CHRDL2: variants seen among roughly 807,000 people sequenced by gnomAD.
CHRDL2 encodes chordin like 2.
A neutral mutation model predicts 54.3 loss-of-function variants in CHRDL2; 41 were observed. The ratio of observed to expected loss-of-function variants is 0.76; its 90% CI spans 0.59 to 0.98. CHRDL2 has a LOEUF of 0.98. Among genes scored for constraint, CHRDL2 ranks in the 50% least tolerant of loss-of-function variants. The pLI is 0.00. For missense variants in CHRDL2, 518 were observed against 562.4 expected, an observed-to-expected ratio of 0.92 and a Z score of 0.80; for synonymous variants, 220 against 224.3, an observed-to-expected ratio of 0.98 and a Z score of 0.17.
intron 2 of CHRDL2, among the ~76,000 whole-genome samples, chr11:74,717,948 T>C (rs966838345): frequency 6.6e-6 from 1 of 152,184 alleles, no homozygotes; most frequent in Non-Finnish European, 1.5e-5. Flanking sequence ...CATACCTTAC[T>C]TGTGAATTCT....
intron 2 of CHRDL2, 42 bp downstream of exon 2, chr11:74,718,678 G>T: frequency 7.3e-7 from 1 of 1,367,596 alleles, no homozygotes; most frequent in Non-Finnish European, 1.0e-6. Flanking sequence ...AGGGTTCTCA[G>T]ACATCCCTGA....
In CHRDL2 at chr11:74,730,586, C is replaced by T. The variant is rs111606350; in HGVS notation, c.82+221G>A. On this transcript the variant is annotated intron_variant, in intron 1 of 10. Transcript: ENST00000376332. ...CCTCTCCCCCCGCTGCCCTTGGTGC[C>T]CCTCCTCAGGTCCCTGGCAGCAGCC... 1.4e-3 allele frequency among the ~76,000 whole-genome samples: 212 copies of T among 152,324 alleles called. 1 individual carries two copies. The highest frequency in any genetic ancestry group is 5.0e-3 in the African/African-American group (206 of 41,574).
intron 1 of CHRDL2, among the ~76,000 whole-genome samples, chr11:74,719,940 C>T (rs535521924): frequency 6.6e-6 from 1 of 152,290 alleles, no homozygotes; most frequent in African/African-American, 2.4e-5. Flanking sequence ...CCTATCCTCA[C>T]CAACCCTCCT....
intron 1 of CHRDL2, among the ~76,000 whole-genome samples, chr11:74,722,076 G>T (rs2034508629): frequency 1.3e-5 from 2 of 152,288 alleles, no homozygotes; most frequent in South Asian, 2.1e-4. Flanking sequence ...AAGTGGGTTA[G>T]GATGAAGTTC....
chr11:74,706,061 A>G (rs2033999833), intron 6 of CHRDL2, among the ~76,000 whole-genome samples: 2 of 151,998 alleles, frequency 1.3e-5, no homozygotes, highest in Admixed American at 1.3e-4. Flanking sequence ...AGGGGCCAAG[A>G]TACAGGGGGG....
intron 1 of CHRDL2, among the ~76,000 whole-genome samples, chr11:74,726,984 G>C (rs1327773163): frequency 1.3e-5 from 2 of 152,242 alleles, no homozygotes; most frequent in East Asian, 3.9e-4. Context: ...GGTGTCTGAG[G>C]GTCTGCCTGT....
At position 74,703,380 on chromosome 11, in the gene CHRDL2, GCTGGCAGTC is replaced by G; in HGVS notation, c.862_870del (p.Asp288_Gln290del). The G allele has an allele frequency of 6.2e-7, 1 of 1,613,698 alleles. No homozygotes were observed. ...GGGTACTCGGTGGGACAGGTCACACGCTGGCAGTCCTGGCGGCCATCCTCACAGGTGCAT... is the reference window on the plus strand; with the variant it reads ...GGGTACTCGGTGGGACAGGTCACACGCTGGCGGCCATCCTCACAGGTGCAT... On this transcript the variant is annotated inframe_deletion, in exon 8 of 11. Coordinates refer to ENST00000376332, the MANE Select transcript of CHRDL2 (RefSeq NM_001278473.3).
intron 1 of CHRDL2, among the ~76,000 whole-genome samples, chr11:74,724,077 T>C (rs888022792): frequency 2.2e-4 from 34 of 152,366 alleles, no homozygotes; most frequent in Admixed American, 9.8e-4. Flanking sequence ...CACAGATAGA[T>C]ACAATACATT....
chr11:74,712,347 G>C (rs531610056), intron 3 of CHRDL2, among the ~76,000 whole-genome samples: 1 of 152,282 alleles, frequency 6.6e-6, no homozygotes, highest in East Asian at 1.9e-4. Flanking sequence ...GAGCCAAGCA[G>C]GCACAGGGGC....
intron 9 of CHRDL2, among the ~76,000 whole-genome samples, chr11:74,700,622 T>TATTATTATTA (rs374549879): frequency 7.1e-6 from 1 of 140,340 alleles, no homozygotes; most frequent in Non-Finnish European, 1.5e-5. Context: ...GAATCTTTTT[T>TATTATTATTA]TTATTATTAT....
intron 7 of CHRDL2, among the ~76,000 whole-genome samples, 173 bp from the exon 8 acceptor site, chr11:74,703,672 C>T (rs1250906999): frequency 1.3e-5 from 2 of 152,260 alleles, no homozygotes; most frequent in African/African-American, 4.8e-5. Context: ...CTCTCCCTGA[C>T]ACTGCCCACT....
chr11:74,713,495 G>A lies in CHRDL2; in HGVS notation c.196-16C>T, dbSNP rs753860264. The A allele has an allele frequency of 1.4e-5, 23 of 1,608,338 alleles. No homozygotes were observed. In the South Asian group the frequency reaches 1.5e-4, roughly 11 times the overall value. ...CATGGGCGCCCTGAAGGGGACACAA[G>A]GGTCAGCCCTGGTTCAAAGAACCAT... On this transcript the variant is annotated splice_polypyrimidine_tract_variant and intron_variant, in intron 2 of 10. Coordinates refer to ENST00000376332, the MANE Select transcript of CHRDL2 (RefSeq NM_001278473.3).
intron 9 of CHRDL2, among the ~76,000 whole-genome samples, chr11:74,700,622 T>TATTATTA (rs374549879): frequency 7.1e-5 from 10 of 140,374 alleles, no homozygotes; most frequent in East Asian, 4.0e-4. Flanking sequence ...GAATCTTTTT[T>TATTATTA]TTATTATTAT....
chr11:74,707,522 A>C (rs1039185964), intron 5 of CHRDL2, among the ~76,000 whole-genome samples: 13 of 152,156 alleles, frequency 8.5e-5, no homozygotes, highest in African/African-American at 3.1e-4. Context: ...GGTTCTGTAT[A>C]AAAGACATGT....
At chr11:74,715,006 C>G (rs968842422) in intron 2 of CHRDL2, among the ~76,000 whole-genome samples, 1 of 152,182 alleles carries the variant, frequency 6.6e-6, no homozygotes, top group Non-Finnish European at 1.5e-5. Flanking sequence ...CATCCCACTT[C>G]GTCTTCTCAA....
rs761486314 is a variant in CHRDL2, at chr11:74,696,517, TG to T, written c.1281del (p.Lys428ArgfsTer21). ...CAACTGTTAGGTCTTTGTTATGTCT[TG>T]GTCACTTTGTCTGGACTGGCCGTGA... ...LKVTASPDKV[T>X]KT On this transcript the variant is annotated frameshift_variant, in exon 11 of 11. Coordinates refer to ENST00000376332, the MANE Select transcript of CHRDL2 (RefSeq NM_001278473.3). LOFTEE classifies it high-confidence loss of function. 2.8e-5 allele frequency: 45 copies of T among 1,613,624 alleles called. No homozygotes were observed. The highest frequency in any genetic ancestry group is 3.3e-4 in the Middle Eastern group (2 of 6,034).
intron 7 of CHRDL2, 42 bp from the exon 8 acceptor site, chr11:74,703,541 G>A: frequency 6.7e-7 from 1 of 1,494,830 alleles, no homozygotes; most frequent in Non-Finnish European, 9.0e-7. Flanking sequence ...CAGGGCCTCA[G>A]ACCTGGCCAG....
At chr11:74,721,052 G>A (rs1209299894) in intron 1 of CHRDL2, among the ~76,000 whole-genome samples, 2 of 152,166 alleles carry the variant, frequency 1.3e-5, no homozygotes, top group Admixed American at 1.3e-4. Flanking sequence ...GTGGAGGAGC[G>A]ATTAAAGTTC....
chr11:74,713,927 C>A (rs1002816807), intron 2 of CHRDL2, among the ~76,000 whole-genome samples: 1 of 152,148 alleles, frequency 6.6e-6, no homozygotes, highest in Non-Finnish European at 1.5e-5. Context: ...GTGGAGAAGA[C>A]GGATGGCTTT....
Sources: allele counts gnomAD v4.1 joint callset (sites outside exome capture counted in the v4.1 genomes callset), GRCh38; gene constraint gnomAD v4.1.1; transcripts MANE v1.5; gene names NCBI Gene and HGNC (gene_info 2026-07-23, HGNC 2026-07-21).